MIDEAS: variants seen among roughly 807,000 people sequenced by gnomAD.
MIDEAS encodes mitotic deacetylase-associated SANT domain protein.
Under a neutral mutation model 102.7 loss-of-function variants are expected in MIDEAS, and 26 were observed. The ratio of observed to expected loss-of-function variants is 0.25; its 90% CI spans 0.19 to 0.35. The LOEUF is 0.35. Among genes scored for constraint, MIDEAS ranks in the 10% least tolerant of loss-of-function variants. The pLI is 1.00. For missense variants in MIDEAS, 1,231 were observed against 1,435.6 expected (o/e 0.86, Z 2.30); for synonymous variants, 585 against 591.0 (o/e 0.99, Z 0.15).
intron 3 of MIDEAS, among the ~76,000 whole-genome samples, 188 bp downstream of exon 3, chr14:73,736,810 T>G (rs908899118): frequency 6.6e-6 from 1 of 151,864 alleles, no homozygotes; most frequent in African/African-American, 2.4e-5. Context: ...CATCCCCCAT[T>G]AGGAGGGGGA....
chr14:73,785,341 C>T (rs979838007), intron 1 of MIDEAS, among the ~76,000 whole-genome samples: 7 of 152,172 alleles, frequency 4.6e-5, no homozygotes, highest in African/African-American at 7.2e-5. Flanking sequence ...TGCAAGGCAG[C>T]ATGGCAAATG....
chr14:73,744,624 G>C (rs558666785), intron 1 of MIDEAS, among the ~76,000 whole-genome samples: 11 of 152,264 alleles, frequency 7.2e-5, no homozygotes, highest in Middle Eastern at 3.4e-3. Context: ...TCAGTTCTCT[G>C]AGCTGTCTTA....
chr14:73,777,426 T>C (rs983984264), intron 1 of MIDEAS, among the ~76,000 whole-genome samples: 1 of 152,064 alleles, frequency 6.6e-6, no homozygotes, highest in African/African-American at 2.4e-5. Flanking sequence ...GCTTCTGCTG[T>C]GGGCCAACCT....
At position 73,719,008 on chromosome 14, in the gene MIDEAS, C is replaced by G; in HGVS notation, c.3135G>C (p.Arg1045Ser). 1.4e-6 allele frequency: 2 copies of G among 1,476,858 alleles called. No homozygotes were observed. Among genetic ancestry groups the G allele is most frequent in the Non-Finnish European group, 1.8e-6 (2 of 1,121,558 alleles). 91.5% of individuals were successfully genotyped at this position (1,476,858 alleles called of 1,614,324 possible). The change falls in exon 13 of 13, where the codon AGG becomes AGC. Residue 1045 changes from arginine (R) to serine (S), a missense_variant and splice_region_variant. By Grantham distance (110) the Arg-to-Ser change is moderately radical (BLOSUM62 -1). Around this residue, in one of 5 missense-constraint regions of MIDEAS, gnomAD observed 391 missense variants for 483.0 expected, o/e 0.81. Coordinates refer to ENST00000423556, the MANE Select transcript of MIDEAS (RefSeq NM_001367710.1). Reference protein sequence around the residue: ...ENTFPCKKCGRVFYKVKSRSA... With the variant: ...ENTFPCKKCGSVFYKVKSRSA... ...TGCGGCTCTTCACCTTGTAAAACAC[C>G]CTGCAGCCGGGTGGGGGTTGCTCAG...
chr14:73,783,660 T>C (rs1337814928), intron 1 of MIDEAS, among the ~76,000 whole-genome samples: 2 of 152,200 alleles, frequency 1.3e-5, no homozygotes, highest in East Asian at 3.8e-4. Context: ...CAAGTGGCAC[T>C]TGAGACAGAA....
intron 1 of MIDEAS, among the ~76,000 whole-genome samples, chr14:73,782,980 GA>G (rs2053769837): frequency 6.6e-6 from 1 of 152,226 alleles, no homozygotes; most frequent in South Asian, 2.1e-4. Flanking sequence ...GACGAAATCT[GA>G]TGGCCACTGC....
chr14:73,779,093 CAAG>C (rs1352030258), intron 1 of MIDEAS, among the ~76,000 whole-genome samples: 1 of 151,744 alleles, frequency 6.6e-6, no homozygotes, highest in East Asian at 1.9e-4. Flanking sequence ...CAAAATAGAA[CAAG>C]AAGAAATAGC....
In MIDEAS at chr14:73,729,956, C is replaced by G; in HGVS notation, c.1779G>C (p.Gly593=). ...QAEDMNVKLE[G]EPSVRKPKQR... ...GCTTTGGTTTCCGCACGGAAGGCTC[C>G]CCCTCCAACTTGACATTCATGTCCT... Residue 593 remains glycine, a synonymous_variant, in exon 4 of 13, where the codon GGG becomes GGC. Transcript: ENST00000423556. The G allele has an allele frequency of 6.3e-7, 1 of 1,599,778 alleles. No individual in the cohort carries two copies. Among genetic ancestry groups the G allele is most frequent in the Non-Finnish European group, 8.5e-7 (1 of 1,170,096 alleles).
In MIDEAS at chr14:73,729,752, G is replaced by A; in HGVS notation, c.1983C>T (p.Ser661=). 1 of 1,614,098 alleles carries A rather than the reference G, an allele frequency of 6.2e-7. No homozygotes were observed. Among genetic ancestry groups the A allele is most frequent in the Non-Finnish European group, 8.5e-7 (1 of 1,180,046 alleles). The part of the protein sequence containing the change: ...LPPYTPPPIL[S]PVREGSGLYF... The stretch of plus-strand genomic sequence containing the variant: ...AGAGGCCAGAGCCTTCCCGCACAGG[G>A]CTGAGGATGGGGGGCGGCGTGTAGG... The change falls in exon 4 of 13, where the codon AGC becomes AGT. Residue 661 remains serine (S), a synonymous_variant. Transcript: ENST00000423556.
chr14:73,771,153 C>T (rs1042482120), intron 1 of MIDEAS, among the ~76,000 whole-genome samples: 17 of 152,192 alleles, frequency 1.1e-4, no homozygotes, highest in African/African-American at 3.4e-4. Context: ...AGCCCATACT[C>T]TCCATTTTCT....
At chr14:73,735,095 G>A (rs1031357050) in intron 3 of MIDEAS, among the ~76,000 whole-genome samples, 2 of 152,172 alleles carry the variant, frequency 1.3e-5, no homozygotes, top group African/African-American at 4.8e-5. Context: ...GTTACCAAGG[G>A]TTAGGGGATG....
At chr14:73,733,309 C>G (rs1436375059) in intron 3 of MIDEAS, among the ~76,000 whole-genome samples, 1 of 151,418 alleles carries the variant, frequency 6.6e-6, no homozygotes, top group Non-Finnish European at 1.5e-5. Context: ...AATTCAGGGC[C>G]GGGTGAGGTG....
chr14:73,784,762 T>C (rs1291009268), intron 1 of MIDEAS, among the ~76,000 whole-genome samples: 2 of 152,212 alleles, frequency 1.3e-5, no homozygotes, highest in Non-Finnish European at 2.9e-5. Flanking sequence ...ACTCCTACCA[T>C]AGTGCTGCTT....
chr14:73,725,417 G>A lies in MIDEAS; in HGVS notation c.2486-57C>T. 1 of 1,463,334 alleles carries A rather than the reference G, an allele frequency of 6.8e-7. No individual in the cohort carries two copies. Among genetic ancestry groups the A allele is most frequent in the South Asian group, 1.1e-5 (1 of 87,934 alleles). The allele number at this position is 1,463,334 out of a possible 1,614,324, so 90.6% of individuals were successfully genotyped here. On this transcript the variant is annotated intron_variant, in intron 8 of 12. Transcript: ENST00000423556. The surrounding 1 kb of genome is among the most constrained non-coding windows in gnomAD (Gnocchi z 4.1). The stretch of plus-strand genomic sequence containing the variant: ...GTGGGCAGGGCCCTGGCCACTGCAG[G>A]GCAATTTTGACAAGCAAAAAAGTGT...
chr14:73,751,786 G>C (rs1183640850), intron 1 of MIDEAS, among the ~76,000 whole-genome samples: 2 of 152,142 alleles, frequency 1.3e-5, no homozygotes, highest in African/African-American at 4.8e-5. Context: ...TGTAATCCCA[G>C]CTACTCGGGA....
At chr14:73,763,770 G>GA (rs1161964713), upstream of MIDEAS, among the ~76,000 whole-genome samples, 1 of 151,464 alleles carries the variant, frequency 6.6e-6, no homozygotes, top group Non-Finnish European at 1.5e-5. Context: ...AATTACAACA[G>GA]AAAAAAAAGA....
intron 11 of MIDEAS, among the ~76,000 whole-genome samples, chr14:73,719,735 C>T (rs894090275): frequency 4.6e-5 from 7 of 151,566 alleles, no homozygotes; most frequent in African/African-American, 1.7e-4. Context: ...TGGGGCAGCC[C>T]GAGCTGCTAG....
Position 73,725,926 on chromosome 14 carries a change from C to T in MIDEAS, c.2485+107G>A. The T allele has an allele frequency of 1.0e-6, 1 of 998,350 alleles. No individual in the cohort carries two copies. Among genetic ancestry groups the T allele is most frequent in the Middle Eastern group, 2.7e-4 (1 of 3,734 alleles). 61.8% of individuals were successfully genotyped at this position (998,350 alleles called of 1,614,324 possible). A position where few individuals can be genotyped will look rare whatever the true frequency, so the allele number is the denominator to read the frequency against. ...TCTGACTCTTGGCTTATCTACCCTC[C>T]TCCTCCCGCCCCCACCCAGGGCTGT... is the stretch of plus-strand genomic sequence containing the variant. On this transcript the variant is annotated intron_variant, in intron 8 of 12. Coordinates refer to ENST00000423556, the MANE Select transcript of MIDEAS (RefSeq NM_001367710.1). This position sits in a 1 kb window ranked among gnomAD's most constrained non-coding sequence, Gnocchi z 4.1.
At chr14:73,753,876 T>TG (rs1468051757) in intron 1 of MIDEAS, among the ~76,000 whole-genome samples, 1 of 150,526 alleles carries the variant, frequency 6.6e-6, no homozygotes. Context: ...TACAGGGGGA[T>TG]GAGGGTATTT....
Sources: allele counts gnomAD v4.1 joint callset (sites outside exome capture counted in the v4.1 genomes callset), GRCh38; gene constraint gnomAD v4.1.1; regional missense constraint gnomAD v4.1.1; non-coding constraint Gnocchi (gnomAD v3.1); transcripts MANE v1.5; gene names NCBI Gene and HGNC (gene_info 2026-07-23, HGNC 2026-07-21).